CRNN: variants seen among roughly 807,000 people sequenced by gnomAD.
CRNN encodes the protein cornulin.
Under a neutral mutation model 44.7 loss-of-function variants are expected in CRNN, and 39 were observed. The observed-to-expected ratio is 0.87, with a 90% CI of 0.68 to 1.14. The LOEUF is 1.14. CRNN is among the 50% of genes most tolerant of loss of function. The pLI, the probability that CRNN is intolerant of heterozygous loss-of-function variation, is 0.00. For missense variants in CRNN, 606 were observed against 605.1 expected, an observed-to-expected ratio of 1.00 and a Z score of -0.02; for synonymous variants, 240 against 231.8, an observed-to-expected ratio of 1.04 and a Z score of -0.32.
rs770785663 is a variant in CRNN, at chr1:152,409,652, T to C, written c.1430A>G (p.Glu477Gly). The part of the protein sequence containing the change: ...AQGQDAAQSE[E>G]KRGITARELY... Reference sequence around the variant, plus strand: ...CTCTCTAGCTGTGATGCCTCGCTTCTCTTCTGACTGGGCTGCATCCTGGCC... The same window carrying C: ...CTCTCTAGCTGTGATGCCTCGCTTCCCTTCTGACTGGGCTGCATCCTGGCC... The change falls in exon 3 of 3, where the codon GAG (glutamate) becomes GGG (glycine). Residue 477 changes from glutamate to glycine, a missense_variant. Transcript: ENST00000271835. The C allele has an allele frequency of 5.6e-6, 9 of 1,614,076 alleles. No individual in the cohort carries two copies. In the African/African-American group the frequency reaches 1.1e-4, roughly 19 times the overall value.
At position 152,410,017 on chromosome 1, in the gene CRNN, G is replaced by C. The variant is rs72477395; in HGVS notation, c.1065C>G (p.Thr355=). ...GGCTTCTGTCCTGCTCCACAGTCTC[G>C]GTGTGTGACCCTGCCTGTATCTGAG... The part of the protein sequence containing the change: ...GHTQIQAGSH[T]ETVEQDRSQT... The change falls in exon 3 of 3, where the codon ACC becomes ACG. Residue 355 remains threonine (T), a synonymous_variant. Transcript: ENST00000271835. 3.8e-5 allele frequency: 61 copies of C among 1,614,030 alleles called. No homozygotes were observed. In the Admixed American group the frequency reaches 9.7e-4, roughly 26 times the overall value.
chr1:152,413,727 A>T (rs904066603), intron 1 of CRNN, among the ~76,000 whole-genome samples: 2 of 152,238 alleles, frequency 1.3e-5, no homozygotes, highest in African/African-American at 2.4e-5. Flanking sequence ...TAATAAAATA[A>T]TAAGATGACC....
At position 152,410,557 on chromosome 1, in the gene CRNN, G is replaced by A; in HGVS notation, c.525C>T (p.Ser175=). The change falls in exon 3 of 3, where the codon AGC becomes AGT. Residue 175 remains serine, a synonymous_variant. Transcript: ENST00000271835. ...GTATCTGCGGGCTTATTCTTTCCTG[G>A]CTCTGGGACTCAGCTTGCCTGTCAT... ...SSYDRQAESQ[S]QERISPQIQL... is the part of the protein sequence containing the mutation. 1 of 1,614,050 alleles carries A rather than the reference G, an allele frequency of 6.2e-7. No homozygotes were observed. Among genetic ancestry groups the A allele is most frequent in the South Asian group, 1.1e-5 (1 of 91,062 alleles).
At position 152,412,086 on chromosome 1, in the gene CRNN, C is replaced by G; in HGVS notation, c.138+10G>C. On this transcript the variant is annotated intron_variant, in intron 2 of 2. Transcript: ENST00000271835. The stretch of plus-strand genomic sequence containing the variant: ...TATGTCCCCTCTCCACCCGGCTCAG[C>G]ACACCGTACCACAATCACATCGGCA... The G allele has an allele frequency of 6.3e-7, 1 of 1,596,450 alleles. No individual in the cohort carries two copies. Among genetic ancestry groups the G allele is most frequent in the South Asian group, 1.1e-5 (1 of 89,978 alleles).
intron 2 of CRNN, 90 bp downstream of exon 2, chr1:152,412,006 T>A: frequency 7.7e-7 from 1 of 1,295,804 alleles, no homozygotes; most frequent in Non-Finnish European, 1.0e-6. Flanking sequence ...AGCTGCTGCC[T>A]CCTCAAATTC....
Position 152,410,013 on chromosome 1 carries a change from T to A in CRNN, c.1069A>T (p.Thr357Ser). The change falls in exon 3 of 3, where the codon ACT becomes TCT. Residue 357 changes from threonine to serine, a missense_variant. Physicochemically the swap from Thr to Ser is moderately conservative, Grantham distance 58 (BLOSUM62 1). Transcript: ENST00000271835. ...GTTTGGCTTCTGTCCTGCTCCACAG[T>A]CTCGGTGTGTGACCCTGCCTGTATC... Reference protein sequence around the residue: ...TQIQAGSHTETVEQDRSQTVS... With the variant: ...TQIQAGSHTESVEQDRSQTVS... 2 of 1,614,154 alleles carry A rather than the reference T, an allele frequency of 1.2e-6. No homozygotes were observed. The highest frequency in any genetic ancestry group is 8.5e-7 in the Non-Finnish European group (1 of 1,180,026).
rs1570965422 is a variant in CRNN, at chr1:152,409,978, GTGGCTTACAGTT to G, written c.1092_1103del (p.Gln364_Ser367del). 1.9e-6 allele frequency: 3 copies of G among 1,613,910 alleles called. No individual in the cohort carries two copies. The highest frequency in any genetic ancestry group is 2.7e-5 in the African/African-American group (2 of 74,854). ...TCTGTCCCTGTTCTCTAGCCCCTCCGTGGCTTACAGTTTGGCTTCTGTCCTGCTCCACAGTCT... is the reference window on the plus strand; with the variant it reads ...TCTGTCCCTGTTCTCTAGCCCCTCCGTGGCTTCTGTCCTGCTCCACAGTCT... On this transcript the variant is annotated inframe_deletion, in exon 3 of 3. Coordinates refer to ENST00000271835, the MANE Select transcript of CRNN (RefSeq NM_016190.3).
chr1:152,409,456 C>A lies in CRNN; in HGVS notation c.*138G>T. 2 of 1,432,370 alleles carry A rather than the reference C, an allele frequency of 1.4e-6. No homozygotes were observed. Among genetic ancestry groups the A allele is most frequent in the Non-Finnish European group, 1.8e-6 (2 of 1,082,436 alleles). 88.7% of individuals were successfully genotyped at this position (1,432,370 alleles called of 1,614,324 possible). On this transcript the variant is annotated 3_prime_UTR_variant, in exon 3 of 3. Coordinates refer to ENST00000271835, the MANE Select transcript of CRNN (RefSeq NM_016190.3). ...AGAAAGCTCCTTGCAGAAATTATCTCATTGAGAAAGACCTAAAAGGGAAGC... is the reference window on the plus strand; with the variant it reads ...AGAAAGCTCCTTGCAGAAATTATCTAATTGAGAAAGACCTAAAAGGGAAGC...
At chr1:152,413,445 G>A (rs1030108923) in intron 1 of CRNN, among the ~76,000 whole-genome samples, 2 of 152,180 alleles carry the variant, frequency 1.3e-5, no homozygotes, top group Middle Eastern at 3.2e-3. Flanking sequence ...AGGATGGGAC[G>A]AGGCAGATAT....
Position 152,409,655 on chromosome 1 carries a change from T to C in CRNN, c.1427A>G (p.Glu476Gly). 1 of 1,614,194 alleles carries C rather than the reference T, an allele frequency of 6.2e-7. No homozygotes were observed. Among genetic ancestry groups the C allele is most frequent in the Non-Finnish European group, 8.5e-7 (1 of 1,180,026 alleles). The stretch of plus-strand genomic sequence containing the variant: ...TCTAGCTGTGATGCCTCGCTTCTCT[T>C]CTGACTGGGCTGCATCCTGGCCCTG... ...SAQGQDAAQS[E>G]EKRGITAREL... is the part of the protein sequence containing the mutation. Residue 476 changes from glutamate (E) to glycine (G), a missense_variant, in exon 3 of 3, where the codon GAA becomes GGA. By Grantham distance (98) the Glu-to-Gly change is moderately conservative. Coordinates refer to ENST00000271835, the MANE Select transcript of CRNN (RefSeq NM_016190.3).
Position 152,412,091 on chromosome 1 carries a change from C to T in CRNN, c.138+5G>A, listed in dbSNP as rs1279056174. ...CCCCTCTCCACCCGGCTCAGCACAC[C>T]GTACCACAATCACATCGGCAAACTC... On this transcript the variant is annotated splice_donor_5th_base_variant and intron_variant, in intron 2 of 2. Transcript: ENST00000271835. The T allele has an allele frequency of 8.7e-6, 14 of 1,602,498 alleles. No individual in the cohort carries two copies. The highest frequency in any genetic ancestry group is 2.2e-5 in the South Asian group (2 of 90,430).
In CRNN at chr1:152,410,582, T is replaced by C; in HGVS notation, c.500A>G (p.Tyr167Cys). 1 of 1,614,114 alleles carries C rather than the reference T, an allele frequency of 6.2e-7. No individual in the cohort carries two copies. The highest frequency in any genetic ancestry group is 8.5e-7 in the Non-Finnish European group (1 of 1,180,006). The change falls in exon 3 of 3, where the codon TAT becomes TGT. Residue 167 changes from tyrosine (Y) to cysteine (C), a missense_variant. Coordinates refer to ENST00000271835, the MANE Select transcript of CRNN (RefSeq NM_016190.3). ...QATGSAWVSSYDRQAESQSQE... is the reference protein window; with the variant it reads ...QATGSAWVSSCDRQAESQSQE... ...GCTCTGGGACTCAGCTTGCCTGTCA[T>C]AGCTGCTGACCCACGCAGAGCCAGT...
At position 152,409,275 on chromosome 1, in the gene CRNN, G is replaced by A; in HGVS notation, c.*319C>T. 3.1e-6 allele frequency: 1 copy of A among 324,570 alleles called. No homozygotes were observed. The highest frequency in any genetic ancestry group is 2.1e-5 in the African/African-American group (1 of 48,226). The allele number at this position is 324,570 out of a possible 1,614,324, so 20.1% of individuals were successfully genotyped here. ...CTTAAGGTTTTATTGATGCATTAGGGTAGATGGGGCAATAGAGAGATGTCA... is the reference window on the plus strand; with the variant it reads ...CTTAAGGTTTTATTGATGCATTAGGATAGATGGGGCAATAGAGAGATGTCA... On this transcript the variant is annotated 3_prime_UTR_variant, in exon 3 of 3. Transcript: ENST00000271835.
rs1655845613 is a variant in CRNN, at chr1:152,414,225, G to A, written c.-25C>T. Reference sequence around the variant, plus strand: ...ATGAGGGGACTTACCTAATGCCCAGGTGGGATGAAACAAGTGGCTGTTAAG... The same window carrying A: ...ATGAGGGGACTTACCTAATGCCCAGATGGGATGAAACAAGTGGCTGTTAAG... On this transcript the variant is annotated 5_prime_UTR_variant, in exon 1 of 3. Transcript: ENST00000271835. The A allele has an allele frequency of 6.6e-6, 1 of 152,442 alleles. No individual in the cohort carries two copies. The highest frequency in any genetic ancestry group is 1.5e-5 in the Non-Finnish European group (1 of 68,212). The allele number at this position is 152,442 out of a possible 1,614,324, so 9.4% of individuals were successfully genotyped here.
chr1:152,409,837 C>T lies in CRNN; in HGVS notation c.1245G>A (p.Gln415=), dbSNP rs961848095. Residue 415 remains glutamine (Q), a synonymous_variant, in exon 3 of 3, where the codon CAG becomes CAA. Coordinates refer to ENST00000271835, the MANE Select transcript of CRNN (RefSeq NM_016190.3). ...QTGASTESGR[Q]EWSSTHPRRC... is the part of the protein sequence containing the mutation. ...GCCTTGGGTGAGTGCTGCTCCACTC[C>T]TGCCTTCCTGACTCAGTGCTTGCCC... is the stretch of plus-strand genomic sequence containing the variant. 3 of 1,614,112 alleles carry T rather than the reference C, an allele frequency of 1.9e-6. No homozygotes were observed. In the African/African-American group the frequency reaches 4.0e-5, roughly 22 times the overall value.
Position 152,409,978 on chromosome 1 carries a change from G to C in CRNN, c.1104C>G (p.His368Gln). 6.2e-7 allele frequency: 1 copy of C among 1,614,028 alleles called. No homozygotes were observed. Among genetic ancestry groups the C allele is most frequent in the Non-Finnish European group, 8.5e-7 (1 of 1,180,024 alleles). The change falls in exon 3 of 3, where the codon CAC becomes CAG. Residue 368 changes from histidine to glutamine, a missense_variant. Transcript: ENST00000271835. ...TCTGTCCCTGTTCTCTAGCCCCTCCGTGGCTTACAGTTTGGCTTCTGTCCT... is the reference window on the plus strand; with the variant it reads ...TCTGTCCCTGTTCTCTAGCCCCTCCCTGGCTTACAGTTTGGCTTCTGTCCT... The part of the protein sequence containing the change: ...VEQDRSQTVS[H>Q]GGAREQGQTQ...
intron 2 of CRNN, among the ~76,000 whole-genome samples, chr1:152,411,579 T>A (rs1462946554): frequency 1.3e-5 from 2 of 152,102 alleles, no homozygotes; most frequent in African/African-American, 4.8e-5. Flanking sequence ...TGGGGTGGGG[T>A]GAGGCTCCAA....
chr1:152,412,296 A>G (rs1655792969), intron 1 of CRNN, 50 bp from the exon 2 acceptor site: 2 of 1,547,018 alleles, frequency 1.3e-6, no homozygotes. Context: ...AACCTCAGCT[A>G]TTTCCTTTAT....
chr1:152,409,973 C>G lies in CRNN; in HGVS notation c.1109G>C (p.Gly370Ala). Residue 370 changes from glycine (G) to alanine (A), a missense_variant, in exon 3 of 3, where the codon GGG becomes GCG. By Grantham distance (60) the Gly-to-Ala change is moderately conservative. Transcript: ENST00000271835. ...CTGGGTCTGTCCCTGTTCTCTAGCC[C>G]CTCCGTGGCTTACAGTTTGGCTTCT... ...QDRSQTVSHG[G>A]AREQGQTQTQ... 6.2e-7 allele frequency: 1 copy of G among 1,614,146 alleles called. No individual in the cohort carries two copies. Among genetic ancestry groups the G allele is most frequent in the Non-Finnish European group, 8.5e-7 (1 of 1,180,026 alleles).
Sources: allele counts gnomAD v4.1 joint callset (sites outside exome capture counted in the v4.1 genomes callset), GRCh38; gene constraint gnomAD v4.1.1; transcripts MANE v1.5; gene names NCBI Gene and HGNC (gene_info 2026-07-23, HGNC 2026-07-21).